The following MYBBP1A variants were observed in gnomAD, a reference collection of about 807,000 sequenced individuals.
The protein encoded by MYBBP1A is myb-binding protein 1A.
MYBBP1A carries 147 observed loss-of-function variants against 136.3 expected under a neutral mutation model. The observed-to-expected ratio is 1.08, with a 90% CI of 0.94 to 1.24. The LOEUF (loss-of-function observed/expected upper bound fraction) is 1.24, where lower values mean the gene tolerates loss of function less well. MYBBP1A is among the 50% of genes most tolerant of loss of function. MYBBP1A has a pLI of 0.00. For missense variants in MYBBP1A, 2,060 were observed against 1,727.4 expected, an observed-to-expected ratio of 1.19 and a Z score of -3.41; for synonymous variants, 947 against 735.8, an observed-to-expected ratio of 1.29 and a Z score of -4.65.
At chr17:4,546,007 G>C in intron 13 of MYBBP1A, 65 bp from the exon 14 acceptor site, 2 of 1,482,176 alleles carry the variant, frequency 1.3e-6, no homozygotes, top group Non-Finnish European at 1.9e-6. Flanking sequence ...AACCAGGCAA[G>C]GGGCTGGCCA....
intron 17 of MYBBP1A, 36 bp downstream of exon 17, chr17:4,544,990 T>TGCCCCCCCCCC: frequency 1.4e-6 from 1 of 699,554 alleles, no homozygotes; most frequent in Non-Finnish European, 1.9e-6. Flanking sequence ...ACCCGAGCCC[T>TGCCCCCCCCCC]CCCCGGCCGC....
Position 4,545,680 on chromosome 17 carries a change from T to C in MYBBP1A, c.2003A>G (p.Gln668Arg). The change falls in exon 15 of 26, where the codon CAG (glutamine) becomes CGG (arginine). Residue 668 changes from glutamine to arginine, a missense_variant. Transcript: ENST00000254718. Reference sequence around the variant, plus strand: ...GTGGCCAAACACGCTCCGGGCCACCTGGCGCATGAGGTGGCTGGGCTGGGC... The same window carrying C: ...GTGGCCAAACACGCTCCGGGCCACCCGGCGCATGAGGTGGCTGGGCTGGGC... ...LLAQPSHLMR[Q>R]VARSVFGHIC... 1 of 1,611,528 alleles carries C rather than the reference T, an allele frequency of 6.2e-7. No homozygotes were observed. Among genetic ancestry groups the C allele is most frequent in the Non-Finnish European group, 8.5e-7 (1 of 1,178,444 alleles).
In MYBBP1A at chr17:4,548,582, G is replaced by A. The variant is rs1907215257; in HGVS notation, c.1498C>T (p.Pro500Ser). ...TGGTTTTCCAAAGGGAAGGAGAACG[G>A]GTGCTTTGTCTCAGGGATCTGGGAT... ...PTSQIPETKH[P>S]FSFPLENQAR... Residue 500 changes from proline to serine, a missense_variant, in exon 11 of 26, where the codon CCG becomes TCG. By Grantham distance (74) the Pro-to-Ser change is moderately conservative (BLOSUM62 -1). Coordinates refer to ENST00000254718, the MANE Select transcript of MYBBP1A (RefSeq NM_014520.4). This position sits in a 1 kb window ranked among gnomAD's most constrained non-coding sequence, Gnocchi z 4.2. The A allele has an allele frequency of 6.2e-7, 1 of 1,614,220 alleles. No homozygotes were observed.
At chr17:4,551,794 C>A (rs552681797) in intron 8 of MYBBP1A, 86 bp downstream of exon 8, 2 of 1,207,666 alleles carry the variant, frequency 1.7e-6, no homozygotes, top group South Asian at 2.5e-5. Flanking sequence ...TAGCCAAGCC[C>A]CCGAGGTGCC....
At chr17:4,544,418 C>G in intron 19 of MYBBP1A, 71 bp downstream of exon 19, 1 of 1,526,930 alleles carries the variant, frequency 6.5e-7, no homozygotes, top group East Asian at 2.4e-5. Flanking sequence ...AGACAGCAAG[C>G]CTAGAGCTCT....
chr17:4,552,235 G>A lies in MYBBP1A; in HGVS notation c.795C>T (p.Pro265=), dbSNP rs753437986. The A allele has an allele frequency of 2.1e-5, 34 of 1,614,174 alleles. No individual in the cohort carries two copies. The highest frequency in any genetic ancestry group is 8.9e-5 in the East Asian group (4 of 44,890). ...ASSVKKDRKL[P]AIALDLLRLA... ...GGCGGAGCAGGTCCAGAGCAATGGC[G>A]GGCAGCTTGCGGTCCTTCTTCACAG... Residue 265 remains proline (P), a synonymous_variant, in exon 7 of 26, where the codon CCC becomes CCT. Coordinates refer to ENST00000254718, the MANE Select transcript of MYBBP1A (RefSeq NM_014520.4). The surrounding 1 kb of genome is among the most constrained non-coding windows in gnomAD (Gnocchi z 4.7).
Position 4,552,538 on chromosome 17 carries a change from A to G in MYBBP1A, c.650T>C (p.Leu217Pro). Residue 217 changes from leucine to proline, a missense_variant, in exon 6 of 26, where the codon CTC (leucine) becomes CCC (proline). Leu to Pro is a moderately conservative substitution (Grantham distance 98, BLOSUM62 -3). Coordinates refer to ENST00000254718, the MANE Select transcript of MYBBP1A (RefSeq NM_014520.4). This position sits in a 1 kb window ranked among gnomAD's most constrained non-coding sequence, Gnocchi z 4.7. The part of the protein sequence containing the change: ...IILSSPEQLE[L>P]FLLAQQKVPS... ...CACCTTCTGCTGGGCCAGGAGGAAG[A>G]GCTCTAGCTGTTCAGGGGAGCTGAG... 4 of 1,613,974 alleles carry G rather than the reference A, an allele frequency of 2.5e-6. No individual in the cohort carries two copies. Among genetic ancestry groups the G allele is most frequent in the Non-Finnish European group, 3.4e-6 (4 of 1,180,034 alleles).
Position 4,552,569 on chromosome 17 carries a change from T to C in MYBBP1A, c.619A>G (p.Ile207Val), listed in dbSNP as rs561542831. 5.6e-6 allele frequency: 9 copies of C among 1,613,918 alleles called. No individual in the cohort carries two copies. Among genetic ancestry groups the C allele is most frequent in the Non-Finnish European group, 7.6e-6 (9 of 1,180,042 alleles). ...LPEVLKADLN[I>V]ILSSPEQLEL... The stretch of plus-strand genomic sequence containing the variant: ...AGCTGTTCAGGGGAGCTGAGTATTA[T>C]ATTCAAGTCGGCTTTGAGGACCTCC... Residue 207 changes from isoleucine to valine, a missense_variant, in exon 6 of 26, where the codon ATA becomes GTA. Transcript: ENST00000254718. This position sits in a 1 kb window ranked among gnomAD's most constrained non-coding sequence, Gnocchi z 4.7.
At position 4,539,463 on chromosome 17, in the gene MYBBP1A, C is replaced by G. The variant is rs1406217920; in HGVS notation, c.3939G>C (p.Gln1313His). The G allele has an allele frequency of 1.2e-6, 2 of 1,614,020 alleles. No homozygotes were observed. Among genetic ancestry groups the G allele is most frequent in the African/African-American group, 2.7e-5 (2 of 74,926 alleles). ...SLVIRSPSLL[Q>H]SGAKKKAQVR... ...CCTGTGCTTTCTTCTTGGCCCCACT[C>G]TGAAGCAGGCTGGGACTCCTGATGA... Residue 1313 changes from glutamine (Q) to histidine (H), a missense_variant, in exon 26 of 26, where the codon CAG becomes CAC. Gln to His is a conservative substitution (Grantham distance 24, BLOSUM62 0). Coordinates refer to ENST00000254718, the MANE Select transcript of MYBBP1A (RefSeq NM_014520.4).
In MYBBP1A at chr17:4,549,995, G is replaced by A. The variant is rs115598496; in HGVS notation, c.1319+63C>T. The A allele has an allele frequency of 1.3e-3, 1,948 of 1,530,066 alleles. 25 individuals carry two copies. In the African/African-American group the frequency reaches 0.023, roughly 18 times the overall value. 94.8% of individuals were successfully genotyped at this position (1,530,066 alleles called of 1,614,324 possible). A position where few individuals can be genotyped will look rare whatever the true frequency, so the allele number is the denominator to read the frequency against. ...GCTGTGGAGGGCGGGCTTGGGTCGC[G>A]GGGCTCTGCAGGCCTAGGAAGTTAA... On this transcript the variant is annotated intron_variant, in intron 9 of 25. Coordinates refer to ENST00000254718, the MANE Select transcript of MYBBP1A (RefSeq NM_014520.4).
At chr17:4,540,148 T>C (rs1203867575) in intron 25 of MYBBP1A, among the ~76,000 whole-genome samples, 181 bp from the exon 26 acceptor site, 15 of 85,710 alleles carry the variant, frequency 1.8e-4, no homozygotes, top group African/African-American at 7.7e-4. Flanking sequence ...CCTGCGAGGG[T>C]CCTGCGAGGC....
In MYBBP1A at chr17:4,552,778, G is replaced by C. The variant is rs905514703; in HGVS notation, c.562-152C>G. 4.2e-6 allele frequency: 3 copies of C among 714,536 alleles called. No individual in the cohort carries two copies. The African/African-American group carries it at 5.4e-5, about 13-fold the overall frequency. The allele number at this position is 714,536 out of a possible 1,614,324, so 44.3% of individuals were successfully genotyped here. A position where few individuals can be genotyped will look rare whatever the true frequency, so the allele number is the denominator to read the frequency against. On this transcript the variant is annotated intron_variant, in intron 5 of 25. Coordinates refer to ENST00000254718, the MANE Select transcript of MYBBP1A (RefSeq NM_014520.4). The surrounding 1 kb of genome is among the most constrained non-coding windows in gnomAD (Gnocchi z 4.7). ...AAAACTCAAATTCCCAGGCAGCGGG[G>C]TTTTTGACAAGCATCCCACTGACGC...
chr17:4,550,320 C>CCATCT lies in MYBBP1A; in HGVS notation c.1052_1056dup (p.Asp353ArgfsTer10). ...TCTAGGAAGGTGCCCACGTAATCGT[C>CCATCT]CATCTCTGGGGCAAACTTGAACTGC... On this transcript the variant is annotated frameshift_variant, in exon 9 of 26. Coordinates refer to ENST00000254718, the MANE Select transcript of MYBBP1A (RefSeq NM_014520.4). LOFTEE classifies it high-confidence loss of function. 6.2e-7 allele frequency: 1 copy of CCATCT among 1,612,970 alleles called. No individual in the cohort carries two copies. Among genetic ancestry groups the CCATCT allele is most frequent in the Non-Finnish European group, 8.5e-7 (1 of 1,179,848 alleles).
chr17:4,554,450 G>A (rs917692311), intron 2 of MYBBP1A, among the ~76,000 whole-genome samples, 172 bp from the exon 3 acceptor site: 1 of 152,146 alleles, frequency 6.6e-6, no homozygotes, highest in Non-Finnish European at 1.5e-5. Flanking sequence ...GAAATGCTCA[G>A]CCACTGGGTC....
chr17:4,546,908 G>A (rs1056907666), intron 13 of MYBBP1A, among the ~76,000 whole-genome samples: 5 of 147,630 alleles, frequency 3.4e-5, no homozygotes, highest in East Asian at 3.9e-4. Context: ...CCTCTGGGCT[G>A]CACCTTTTTT....
chr17:4,545,223 T>TC, intron 16 of MYBBP1A, 36 bp downstream of exon 16: 3 of 1,610,482 alleles, frequency 1.9e-6, no homozygotes, highest in Non-Finnish European at 2.5e-6. Context: ...ATCGTCCCAC[T>TC]CCCCACCGCC....
intron 8 of MYBBP1A, among the ~76,000 whole-genome samples, chr17:4,551,566 G>A (rs1032797869): frequency 6.6e-6 from 1 of 152,190 alleles, no homozygotes; most frequent in African/African-American, 2.4e-5. Flanking sequence ...AAAATTAGCT[G>A]GGCGTGGTAT....
chr17:4,553,924 C>A lies in MYBBP1A; in HGVS notation c.454-7G>T. 6.2e-7 allele frequency: 1 copy of A among 1,614,010 alleles called. No individual in the cohort carries two copies. The highest frequency in any genetic ancestry group is 8.5e-7 in the Non-Finnish European group (1 of 1,179,996). Reference sequence around the variant, plus strand: ...TCATCAGTGCCTCCTGGTCCTGGTCCCCACAGAGGGACAGAGGGTATGAGC... The same window carrying A: ...TCATCAGTGCCTCCTGGTCCTGGTCACCACAGAGGGACAGAGGGTATGAGC... On this transcript the variant is annotated splice_region_variant and splice_polypyrimidine_tract_variant and intron_variant, in intron 4 of 25. Coordinates refer to ENST00000254718, the MANE Select transcript of MYBBP1A (RefSeq NM_014520.4).
Position 4,550,250 on chromosome 17 carries a change from G to T in MYBBP1A, c.1127C>A (p.Ala376Asp). The stretch of plus-strand genomic sequence containing the variant: ...GCCTTGGTTGGTGACAGATGAGAAG[G>T]CCACTAGCACGGCCAGCTGCCGCTC... ...DPERQLAVLVAFSSVTNQGLP... is the reference protein window; with the variant it reads ...DPERQLAVLVDFSSVTNQGLP... The change falls in exon 9 of 26, where the codon GCC (alanine) becomes GAC (aspartate). Residue 376 changes from alanine (A) to aspartate (D), a missense_variant. Coordinates refer to ENST00000254718, the MANE Select transcript of MYBBP1A (RefSeq NM_014520.4). The T allele has an allele frequency of 6.2e-7, 1 of 1,613,624 alleles. No homozygotes were observed. Among genetic ancestry groups the T allele is most frequent in the Non-Finnish European group, 8.5e-7 (1 of 1,180,040 alleles).
Sources: gnomAD v4.1 joint callset for allele counts (sites outside exome capture counted in the v4.1 genomes callset) on GRCh38, gnomAD v4.1.1 for gene constraint, Gnocchi (gnomAD v3.1) non-coding constraint, MANE v1.5 for transcripts, NCBI Gene and HGNC (gene_info 2026-07-23, HGNC 2026-07-21) for gene names.